The following SRPK2 variants were observed in gnomAD, a reference collection of about 807,000 sequenced individuals.
SRPK2 encodes SFRS protein kinase 2.
In SRPK2, 21 loss-of-function variants were observed where a neutral mutation model predicts 90.8. The observed-to-expected ratio is 0.23, with a 90% confidence interval of 0.16 to 0.33. The LOEUF is 0.33. SRPK2 is among the 10% of genes least tolerant of loss of function. The probability of loss-of-function intolerance (pLI) is 1.00; values close to 1 mark genes in which losing one functional copy is unlikely to be tolerated. For synonymous variants in SRPK2, 288 were observed against 311.1 expected, an observed-to-expected ratio of 0.93 and a Z score of 0.78; for missense variants, 620 against 869.0, an observed-to-expected ratio of 0.71 and a Z score of 3.60.
chr7:105,202,063 T>C (rs1699384986), intron 3 of SRPK2, among the ~76,000 whole-genome samples: 1 of 152,192 alleles, frequency 6.6e-6, no homozygotes, highest in Non-Finnish European at 1.5e-5. Context: ...CATAGATCTT[T>C]GGGGTTGTAA....
intron 7 of SRPK2, among the ~76,000 whole-genome samples, chr7:105,148,949 A>ACAAT (rs1394274901): frequency 7.9e-5 from 12 of 152,230 alleles, no homozygotes; most frequent in Admixed American, 3.3e-4. Flanking sequence ...AACCAGGGGC[A>ACAAT]CAATGCACTG....
chr7:105,389,069 C>G (rs1375454278), upstream of SRPK2: 2 of 967,706 alleles, frequency 2.1e-6, no homozygotes, highest in Non-Finnish European at 2.4e-6. Flanking sequence ...GCCCCACCCA[C>G]CTGTGCAGAA....
chr7:105,335,869 T>C (rs940849567), intron 2 of SRPK2, among the ~76,000 whole-genome samples: 4 of 151,938 alleles, frequency 2.6e-5, no homozygotes, highest in Non-Finnish European at 5.9e-5. Flanking sequence ...GGCAGGAGAA[T>C]TGCTTGAAGC....
chr7:105,210,799 C>T (rs900508776), intron 2 of SRPK2, among the ~76,000 whole-genome samples: 6 of 152,150 alleles, frequency 3.9e-5, no homozygotes, highest in African/African-American at 9.7e-5. Flanking sequence ...AGCGGAGCGG[C>T]GGGCTCCAGC....
At chr7:105,184,070 G>C (rs1367843734) in intron 3 of SRPK2, among the ~76,000 whole-genome samples, 1 of 142,846 alleles carries the variant, frequency 7.0e-6, no homozygotes, top group African/African-American at 2.6e-5. Context: ...CCGCCTCCCA[G>C]GTTCAAGCCA....
intron 6 of SRPK2, among the ~76,000 whole-genome samples, chr7:105,162,695 C>T (rs918320962): frequency 6.6e-5 from 10 of 152,140 alleles, no homozygotes; most frequent in African/African-American, 9.7e-5. Flanking sequence ...ATTACAAAAA[C>T]GGCAGATTAT....
chr7:105,145,769 A>C (rs1463876092), intron 8 of SRPK2, among the ~76,000 whole-genome samples: 1 of 152,228 alleles, frequency 6.6e-6, no homozygotes, highest in Non-Finnish European at 1.5e-5. Context: ...ATAGTCTAGG[A>C]ATCACATGAT....
At chr7:105,223,873 G>A (rs1436869648) in intron 2 of SRPK2, among the ~76,000 whole-genome samples, 1 of 152,192 alleles carries the variant, frequency 6.6e-6, no homozygotes, top group African/African-American at 2.4e-5. Flanking sequence ...TTTCAGTTGT[G>A]TGTGAACAGA....
intron 2 of SRPK2, among the ~76,000 whole-genome samples, chr7:105,205,494 C>T (rs1796073008): frequency 7.0e-6 from 1 of 142,968 alleles, no homozygotes; most frequent in Non-Finnish European, 1.5e-5. Flanking sequence ...GAATAATATT[C>T]ATTCTCTCTC....
intron 3 of SRPK2, among the ~76,000 whole-genome samples, chr7:105,179,678 A>T (rs75574123): frequency 0.011 from 1,617 of 152,052 alleles, 21 homozygotes; most frequent in African/African-American, 0.037. Context: ...TACAAAGATT[A>T]GCCGGGTGTG....
Position 105,132,905 on chromosome 7 carries a change from G to A in SRPK2, c.1645-7C>T. 1 of 1,613,170 alleles carries A rather than the reference G, an allele frequency of 6.2e-7. No homozygotes were observed. The highest frequency in any genetic ancestry group is 8.5e-7 in the Non-Finnish European group (1 of 1,179,430). On this transcript the variant is annotated splice_polypyrimidine_tract_variant and splice_region_variant and intron_variant, in intron 12 of 15. Coordinates refer to ENST00000393651, the MANE Select transcript of SRPK2 (RefSeq NM_182692.3). ...CTTCCGTGAAGTGTTTATGCTGGAA[G>A]GGAACAGGCTGCATTACCACGGAGC...
intron 7 of SRPK2, among the ~76,000 whole-genome samples, chr7:105,157,627 A>G (rs1806717741): frequency 6.6e-6 from 1 of 152,238 alleles, no homozygotes; most frequent in Non-Finnish European, 1.5e-5. Flanking sequence ...AACCAAAACC[A>G]AACCAAAATT....
intron 2 of SRPK2, among the ~76,000 whole-genome samples, chr7:105,388,190 C>G (rs1821857328): frequency 6.6e-6 from 1 of 152,078 alleles, no homozygotes; most frequent in African/African-American, 2.4e-5. Flanking sequence ...CCCTCCCGCA[C>G]ACTCGGCCCC....
chr7:105,241,679 C>CT (rs1421248156), intron 2 of SRPK2, among the ~76,000 whole-genome samples: 2 of 152,220 alleles, frequency 1.3e-5, no homozygotes, highest in African/African-American at 4.8e-5. Flanking sequence ...ATCTACAAAT[C>CT]TATCATCACG....
At chr7:105,181,897 C>CA (rs1408159019) in intron 3 of SRPK2, among the ~76,000 whole-genome samples, 2 of 133,684 alleles carry the variant, frequency 1.5e-5, no homozygotes, top group Admixed American at 7.8e-5. Flanking sequence ...AAAAAAAAAA[C>CA]AGAAAACACA....
intron 2 of SRPK2, among the ~76,000 whole-genome samples, chr7:105,305,798 G>C (rs1271038039): frequency 6.6e-6 from 1 of 152,178 alleles, no homozygotes; most frequent in Non-Finnish European, 1.5e-5. Flanking sequence ...TAACTCAAAA[G>C]GGTGATTAAA....
chr7:105,148,128 T>C (rs748445330), intron 7 of SRPK2, among the ~76,000 whole-genome samples: 56 of 152,214 alleles, frequency 3.7e-4, no homozygotes, highest in Non-Finnish European at 5.9e-4. Context: ...CTATCACCAA[T>C]GTATGAGGGT....
chr7:105,211,529 G>A (rs951758843), intron 2 of SRPK2, among the ~76,000 whole-genome samples: 1 of 152,108 alleles, frequency 6.6e-6, no homozygotes, highest in Non-Finnish European at 1.5e-5. Flanking sequence ...GGGTGCAGGC[G>A]CAACACAGTG....
At chr7:105,392,619 T>C (rs1004457660), upstream of SRPK2, among the ~76,000 whole-genome samples, 6 of 151,852 alleles carry the variant, frequency 4.0e-5, no homozygotes, top group African/African-American at 1.5e-4. Flanking sequence ...GTTCAAGTGA[T>C]TTTCCCACCT....
Sources: allele counts gnomAD v4.1 joint callset (sites outside exome capture counted in the v4.1 genomes callset), GRCh38; gene constraint gnomAD v4.1.1; transcripts MANE v1.5; gene names NCBI Gene and HGNC (gene_info 2026-07-23, HGNC 2026-07-21).